Variants in CENPA observed in about 807,000 individuals in gnomAD.
CENPA encodes the protein histone H3-like centromeric protein A.
Under a neutral mutation model 17.2 loss-of-function variants are expected in CENPA, and 7 were observed. That is an observed-to-expected ratio of 0.41 (90% CI 0.23 to 0.76). CENPA has a LOEUF of 0.76. Among genes scored for constraint, CENPA ranks in the 30% least tolerant of loss-of-function variants. The pLI, the probability that CENPA is intolerant of heterozygous loss-of-function variation, is 0.34. For synonymous variants in CENPA, 82 were observed against 77.4 expected (o/e 1.06, Z -0.31); for missense variants, 149 against 193.1 (o/e 0.77, Z 1.35).
chr2:26,792,167 G>A lies in CENPA; in HGVS notation c.137G>A (p.Gly46Asp). 8.7e-6 allele frequency: 14 copies of A among 1,614,016 alleles called. No individual in the cohort carries two copies. The highest frequency in any genetic ancestry group is 1.1e-5 in the Non-Finnish European group (13 of 1,179,986). The stretch of plus-strand genomic sequence containing the variant: ...CATCAACACAGTCGGCGGAGACAAG[G>A]TTGGCTAAAGGAGATCCGAAAGCTT... ...SSHQHSRRRQ[G>D]WLKEIRKLQK... The change falls in exon 2 of 5, where the codon GGT becomes GAT. Residue 46 changes from glycine to aspartate, a missense_variant. Gly to Asp is a moderately conservative substitution (Grantham distance 94). Transcript: ENST00000335756.
intron 1 of CENPA, among the ~76,000 whole-genome samples, 167 bp from the exon 2 acceptor site, chr2:26,791,964 G>A (rs889190640): frequency 2.0e-5 from 3 of 152,134 alleles, no homozygotes; most frequent in Non-Finnish European, 4.4e-5. Context: ...TGTGGTTTTT[G>A]CCATAACTGC....
chr2:26,789,460 TCTC>T lies in CENPA; in HGVS notation c.101-2666_101-2664del, dbSNP rs1664577511. 3.3e-5 allele frequency among the ~76,000 whole-genome samples: 5 copies of T among 152,068 alleles called. No individual in the cohort carries two copies. In the South Asian group the frequency reaches 1.0e-3, roughly 32 times the overall value. ...TCTACCCCCTCCCTAGGTGGTCTCA[TCTC>T]CTCCGTGGCTCTAAATCCCACTCAT... On this transcript the variant is annotated intron_variant, in intron 1 of 4. Coordinates refer to ENST00000335756, the MANE Select transcript of CENPA (RefSeq NM_001809.4).
Position 26,786,310 on chromosome 2 carries a change from GC to G in CENPA, c.100+18del. ...GCCCCTCCTTAGGTAACCGGCCGCG[GC>G]CCCATCTCGAAGAGGAGAAAACCGA... On this transcript the variant is annotated intron_variant, in intron 1 of 4. Transcript: ENST00000335756. 1 of 1,313,166 alleles carries G rather than the reference GC, an allele frequency of 7.6e-7. No homozygotes were observed. The highest frequency in any genetic ancestry group is 2.0e-5 in the South Asian group (1 of 49,268). The allele number at this position is 1,313,166 out of a possible 1,614,324, so 81.3% of individuals were successfully genotyped here.
At chr2:26,786,504 C>T (rs1368569604) in intron 1 of CENPA, among the ~76,000 whole-genome samples, 1 of 152,280 alleles carries the variant, frequency 6.6e-6, no homozygotes, top group Non-Finnish European at 1.5e-5. Flanking sequence ...GGCTTAGCCA[C>T]TTGGCTCCTA....
intron 3 of CENPA, 97 bp downstream of exon 3, chr2:26,792,930 C>G (rs1572642487): frequency 1.5e-6 from 2 of 1,312,376 alleles, no homozygotes; most frequent in South Asian, 2.5e-5. Flanking sequence ...CATGCTGAAT[C>G]TGACCTCTGG....
At position 26,793,255 on chromosome 2, in the gene CENPA, G is replaced by A. The variant is rs1209905418; in HGVS notation, c.399G>A (p.Arg133=). 7 of 1,613,978 alleles carry A rather than the reference G, an allele frequency of 4.3e-6. No individual in the cohort carries two copies. The Admixed American group carries it at 1.2e-4, about 27-fold the overall frequency. The part of the protein sequence containing the change: ...PKDVQLARRI[R]GLEEGLG ...ATGTGCAACTGGCCCGGAGGATCCGGGGCCTTGAGGAGGGACTCGGCTGAG... is the reference window on the plus strand; with the variant it reads ...ATGTGCAACTGGCCCGGAGGATCCGAGGCCTTGAGGAGGGACTCGGCTGAG... The change falls in exon 4 of 5, where the codon CGG becomes CGA. Residue 133 remains arginine, a synonymous_variant. Transcript: ENST00000335756.
At chr2:26,787,531 G>A (rs1302600062) in intron 1 of CENPA, among the ~76,000 whole-genome samples, 1 of 149,798 alleles carries the variant, frequency 6.7e-6, no homozygotes, top group East Asian at 2.0e-4. Flanking sequence ...TTGGTTTTTT[G>A]TTGTTTTTTT....
intron 1 of CENPA, among the ~76,000 whole-genome samples, chr2:26,788,042 T>C (rs1558298107): frequency 6.6e-6 from 1 of 152,236 alleles, no homozygotes; most frequent in Non-Finnish European, 1.5e-5. Flanking sequence ...AGTATGATGT[T>C]TGCTGTTGCT....
At chr2:26,786,382 A>G in intron 1 of CENPA, 86 bp downstream of exon 1, 1 of 1,266,380 alleles carries the variant, frequency 7.9e-7, no homozygotes, top group Non-Finnish European at 9.9e-7. Context: ...ATCCCGTGGC[A>G]CTTCCCTGTT....
At chr2:26,792,073 T>C (rs2148067867) in intron 1 of CENPA, 58 bp from the exon 2 acceptor site, 1 of 1,448,796 alleles carries the variant, frequency 6.9e-7, no homozygotes, top group Non-Finnish European at 9.6e-7. Flanking sequence ...CTTACCTGAC[T>C]CAGCCAAGCT....
chr2:26,791,322 T>C (rs1664610794), intron 1 of CENPA, among the ~76,000 whole-genome samples: 1 of 152,272 alleles, frequency 6.6e-6, no homozygotes, highest in Admixed American at 6.5e-5. Context: ...AATAGTCTAA[T>C]TTCAATTAAG....
intron 1 of CENPA, among the ~76,000 whole-genome samples, chr2:26,787,117 G>C (rs1258289177): frequency 6.6e-6 from 1 of 152,232 alleles, no homozygotes; most frequent in Non-Finnish European, 1.5e-5. Context: ...TGTTACCCAG[G>C]CTGGTCTCAA....
At chr2:26,791,136 G>A (rs1664607452) in intron 1 of CENPA, among the ~76,000 whole-genome samples, 1 of 151,950 alleles carries the variant, frequency 6.6e-6, no homozygotes, top group African/African-American at 2.4e-5. Context: ...GTTCTATCTT[G>A]TTTTGGTTTA....
chr2:26,787,322 TCTC>T (rs1020322757), intron 1 of CENPA, among the ~76,000 whole-genome samples: 6 of 152,152 alleles, frequency 3.9e-5, no homozygotes, highest in African/African-American at 1.4e-4. Context: ...TTCACGCCCT[TCTC>T]CTGCCTCAGC....
chr2:26,789,281 C>A (rs770440925), intron 1 of CENPA, among the ~76,000 whole-genome samples: 1 of 152,074 alleles, frequency 6.6e-6, no homozygotes, highest in Admixed American at 6.6e-5. Flanking sequence ...GTCTCAGAAG[C>A]ATTTGACGCA....
intron 1 of CENPA, among the ~76,000 whole-genome samples, chr2:26,786,938 C>T (rs1015663998): frequency 6.6e-5 from 10 of 152,152 alleles, no homozygotes; most frequent in African/African-American, 2.4e-4. Flanking sequence ...CTATGGTGGG[C>T]TGGTGGATGG....
intron 1 of CENPA, among the ~76,000 whole-genome samples, chr2:26,791,676 C>CA (rs1458940342): frequency 6.6e-6 from 1 of 152,088 alleles, no homozygotes; most frequent in African/African-American, 2.4e-5. Context: ...AACAAACCAA[C>CA]AAAAAATCTA....
intron 1 of CENPA, among the ~76,000 whole-genome samples, chr2:26,788,671 T>TTTTGA (rs200526582): frequency 0.016 from 2,437 of 152,158 alleles, 75 homozygotes; most frequent in African/African-American, 0.056. Context: ...TTTTGTTTTG[T>TTTTGA]TTTGTTTTTG....
intron 1 of CENPA, among the ~76,000 whole-genome samples, chr2:26,789,400 C>T (rs774607061): frequency 2.6e-5 from 4 of 151,948 alleles, no homozygotes; most frequent in African/African-American, 7.3e-5. Flanking sequence ...TCCCTCGGCT[C>T]CTTGATGTTG....
Sources: gnomAD v4.1 joint callset for allele counts (sites outside exome capture counted in the v4.1 genomes callset) on GRCh38, gnomAD v4.1.1 for gene constraint, MANE v1.5 for transcripts, NCBI Gene and HGNC (gene_info 2026-07-23, HGNC 2026-07-21) for gene names.